The following PKIA variants were observed in gnomAD, a reference collection of about 807,000 sequenced individuals.
The protein encoded by PKIA is cAMP-dependent protein kinase inhibitor alpha.
A neutral mutation model predicts 7.6 loss-of-function variants in PKIA; 4 were observed. The ratio of observed to expected loss-of-function variants is 0.52; its 90% CI spans 0.26 to 1.20. PKIA has a LOEUF of 1.20. Ranked by LOEUF, PKIA falls within the 50% of genes most tolerant of loss-of-function variation. The pLI is 0.13. For missense variants in PKIA, 73 were observed against 86.2 expected, an observed-to-expected ratio of 0.85 and a Z score of 0.61; for synonymous variants, 21 against 30.7, an observed-to-expected ratio of 0.68 and a Z score of 1.04.
intron 2 of PKIA, among the ~76,000 whole-genome samples, chr8:78,578,050 C>T (rs1807716945): frequency 6.6e-6 from 1 of 151,760 alleles, no homozygotes; most frequent in Admixed American, 6.6e-5. Context: ...ACTGGTAAGC[C>T]CCTTTTTAGT....
Position 78,601,836 on chromosome 8 carries a change from C to A in PKIA, c.*15C>A. 1.9e-6 allele frequency: 3 copies of A among 1,581,906 alleles called. No individual in the cohort carries two copies. The highest frequency in any genetic ancestry group is 2.6e-6 in the Non-Finnish European group (3 of 1,151,746). On this transcript the variant is annotated 3_prime_UTR_variant, in exon 4 of 4. Coordinates refer to ENST00000396418, the MANE Select transcript of PKIA (RefSeq NM_006823.4). ...CTGAAAGCTAACACCCCACTTTGAC[C>A]CTCGACCACACCTGAAAATGTCTCA...
chr8:78,523,943 C>A (rs1211040368), intron 1 of PKIA, among the ~76,000 whole-genome samples: 9 of 131,510 alleles, frequency 6.8e-5, no homozygotes, highest in Non-Finnish European at 1.1e-4. Flanking sequence ...TATATATAAA[C>A]ATTTATATTT....
intron 1 of PKIA, among the ~76,000 whole-genome samples, chr8:78,523,288 G>A (rs1809451263): frequency 6.6e-6 from 1 of 151,878 alleles, no homozygotes; most frequent in African/African-American, 2.4e-5. Context: ...GTTGATTGGG[G>A]TGGGGGGAAT....
intron 1 of PKIA, among the ~76,000 whole-genome samples, chr8:78,541,993 G>A (rs368262599): frequency 6.6e-6 from 1 of 151,794 alleles, no homozygotes; most frequent in African/African-American, 2.4e-5. Context: ...ACCATAGTAA[G>A]ACCCTATCTC....
At chr8:78,562,178 G>C (rs1209204898) in intron 1 of PKIA, among the ~76,000 whole-genome samples, 1 of 152,124 alleles carries the variant, frequency 6.6e-6, no homozygotes, top group East Asian at 1.9e-4. Context: ...AAATAGTTGA[G>C]TTTTCCTAAC....
intron 2 of PKIA, among the ~76,000 whole-genome samples, chr8:78,586,192 T>G (rs79936212): frequency 1.8e-4 from 28 of 152,274 alleles, no homozygotes; most frequent in African/African-American, 5.5e-4. Flanking sequence ...TCTCCCATCC[T>G]GGGCAATTGC....
rs951839714 is a variant in PKIA at position 78,604,669 on chromosome 8, C to T, written c.*2848C>T. The T allele has an allele frequency of 6.6e-6, 1 of 151,918 alleles. No homozygotes were observed. Among genetic ancestry groups the T allele is most frequent in the South Asian group, 2.1e-4 (1 of 4,826 alleles). The allele number at this position is 151,918 out of a possible 1,614,324, so 9.4% of individuals were successfully genotyped here. ...ATTTTTCTGGCATGTGGTCTGTAAACACAGCATGATTCATATTTTTTATGT... is the reference window on the plus strand; with the variant it reads ...ATTTTTCTGGCATGTGGTCTGTAAATACAGCATGATTCATATTTTTTATGT... On this transcript the variant is annotated 3_prime_UTR_variant, in exon 4 of 4. Coordinates refer to ENST00000396418, the MANE Select transcript of PKIA (RefSeq NM_006823.4).
At chr8:78,556,434 G>C (rs1296606361) in intron 1 of PKIA, 1 of 146,800 alleles carries the variant, frequency 6.8e-6, no homozygotes, top group African/African-American at 2.7e-5. Context: ...TAACAAAAAT[G>C]GGATTTTGTT....
intron 2 of PKIA, among the ~76,000 whole-genome samples, 199 bp from the exon 3 acceptor site, chr8:78,598,159 G>T (rs988656590): frequency 6.7e-6 from 1 of 148,838 alleles, no homozygotes; most frequent in Non-Finnish European, 1.5e-5. Flanking sequence ...ATTTAAATAT[G>T]TAAAAATGTA....
At chr8:78,584,918 AG>A (rs1807912445) in intron 2 of PKIA, among the ~76,000 whole-genome samples, 3 of 152,146 alleles carry the variant, frequency 2.0e-5, no homozygotes, top group South Asian at 4.1e-4. Flanking sequence ...CATTTTAAAT[AG>A]TTTCTTGAAT....
At chr8:78,555,026 G>A (rs780079915) in intron 1 of PKIA, among the ~76,000 whole-genome samples, 7 of 151,926 alleles carry the variant, frequency 4.6e-5, no homozygotes, top group Non-Finnish European at 7.4e-5. Context: ...GGCAATCTGC[G>A]TTTTCTGCAC....
At chr8:78,582,900 A>G (rs1156971971) in intron 2 of PKIA, among the ~76,000 whole-genome samples, 1 of 152,164 alleles carries the variant, frequency 6.6e-6, no homozygotes, top group Non-Finnish European at 1.5e-5. Flanking sequence ...ATGTCAGGCC[A>G]TGTAACAACT....
intron 1 of PKIA, among the ~76,000 whole-genome samples, chr8:78,571,338 C>T (rs1044164686): frequency 3.3e-5 from 5 of 151,976 alleles, no homozygotes; most frequent in African/African-American, 1.2e-4. Flanking sequence ...CCTTTAATAC[C>T]CCATTGCCAC....
chr8:78,576,033 G>T lies in PKIA; in HGVS notation c.-28+3094G>T, dbSNP rs567715031. Among the ~76,000 whole-genome samples, 5 of 152,052 alleles carry T rather than the reference G, an allele frequency of 3.3e-5. No homozygotes were observed. In the South Asian group the frequency reaches 1.0e-3, roughly 32 times the overall value. ...TTTTCGCTGTTTGCACGCATCCCTG[G>T]AGTCTTTTTCTTCTTATAAGGAATC... On this transcript the variant is annotated intron_variant, in intron 2 of 3. Coordinates refer to ENST00000396418, the MANE Select transcript of PKIA (RefSeq NM_006823.4).
chr8:78,579,007 AGTT>A (rs912619584), intron 2 of PKIA, among the ~76,000 whole-genome samples: 5 of 152,032 alleles, frequency 3.3e-5, no homozygotes, highest in Non-Finnish European at 7.4e-5. Flanking sequence ...CTTTCACTCC[AGTT>A]GTTTCCATCT....
chr8:78,539,725 GC>G (rs1563571572), intron 1 of PKIA, among the ~76,000 whole-genome samples: 1 of 151,892 alleles, frequency 6.6e-6, no homozygotes. Context: ...TACCTGCAGT[GC>G]TTAAATTTAA....
intron 3 of PKIA, 123 bp from the exon 4 acceptor site, chr8:78,601,619 T>C (rs1808349045): frequency 1.4e-6 from 1 of 725,342 alleles, no homozygotes; most frequent in African/African-American, 1.8e-5. Flanking sequence ...AATATACTTG[T>C]TCCTTCAAGG....
intron 1 of PKIA, among the ~76,000 whole-genome samples, chr8:78,540,053 C>T (rs367739292): frequency 2.1e-5 from 3 of 144,350 alleles, no homozygotes; most frequent in African/African-American, 7.7e-5. Flanking sequence ...TTTCTTCTTA[C>T]AATTACAACA....
At chr8:78,590,660 T>C (rs1466466453) in intron 2 of PKIA, among the ~76,000 whole-genome samples, 1 of 151,870 alleles carries the variant, frequency 6.6e-6, no homozygotes, top group Non-Finnish European at 1.5e-5. Context: ...TTTTTTTTGC[T>C]TTGGAGAATA....
Sources: allele counts gnomAD v4.1 joint callset (sites outside exome capture counted in the v4.1 genomes callset), GRCh38; gene constraint gnomAD v4.1.1; transcripts MANE v1.5; gene names NCBI Gene and HGNC (gene_info 2026-07-23, HGNC 2026-07-21).